Variants in SNRPD3 observed in about 807,000 individuals in gnomAD.
SNRPD3 encodes small nuclear ribonucleoprotein D3 polypeptide.
For synonymous variants in SNRPD3, 66 were observed against 58.4 expected (o/e 1.13, Z -0.59); for missense variants, 73 against 167.5 (o/e 0.44, Z 3.11).
chr22:24,563,336 AT>A (rs2045166419), intron 2 of SNRPD3, among the ~76,000 whole-genome samples: 1 of 151,090 alleles, frequency 6.6e-6, no homozygotes. Context: ...AAGAGGAAAT[AT>A]GTGTATGTGA....
intron 1 of SNRPD3, among the ~76,000 whole-genome samples, chr22:24,556,648 G>C (rs746313345): frequency 3.9e-5 from 6 of 152,138 alleles, no homozygotes; most frequent in Non-Finnish European, 7.4e-5. Context: ...TAAACCTTAC[G>C]TTCTATCCAT....
intron 2 of SNRPD3, among the ~76,000 whole-genome samples, chr22:24,565,405 G>A (rs2045187363): frequency 6.6e-6 from 1 of 152,152 alleles, no homozygotes; most frequent in African/African-American, 2.4e-5. Flanking sequence ...ATGAGCTGCC[G>A]TGGGGAAATC....
chr22:24,568,284 C>T lies in SNRPD3; in HGVS notation c.319+108C>T, dbSNP rs557045616. ...AGAGAGGGTTTGACCTCTGCTCTCT[C>T]CACACCCACCACCCACTGCCACCCC... On this transcript the variant is annotated intron_variant, in intron 3 of 3. Transcript: ENST00000215829. 22 of 729,342 alleles carry T rather than the reference C, an allele frequency of 3.0e-5. 1 individual carries two copies. In the East Asian group the frequency reaches 5.8e-4, roughly 19 times the overall value. The allele number at this position is 729,342 out of a possible 1,614,324, so 45.2% of individuals were successfully genotyped here.
chr22:24,556,844 A>G (rs1343810376), intron 1 of SNRPD3, among the ~76,000 whole-genome samples: 7 of 152,186 alleles, frequency 4.6e-5, no homozygotes, highest in Non-Finnish European at 8.8e-5. Context: ...TGAAACTTAG[A>G]GTTGTTGCTC....
intron 2 of SNRPD3, among the ~76,000 whole-genome samples, chr22:24,563,023 C>G (rs1478531599): frequency 6.6e-6 from 1 of 152,150 alleles, no homozygotes; most frequent in Non-Finnish European, 1.5e-5. Flanking sequence ...TATGGTCCCT[C>G]AAGTAGTTTT....
intron 1 of SNRPD3, 66 bp from the exon 2 acceptor site, chr22:24,557,591 A>G (rs927937357): frequency 9.4e-6 from 11 of 1,172,252 alleles, no homozygotes; most frequent in Non-Finnish European, 1.3e-6. Context: ...TAAAGGAAGC[A>G]TGATGTGTGC....
intron 3 of SNRPD3, among the ~76,000 whole-genome samples, chr22:24,570,454 G>C (rs1162435412): frequency 6.6e-6 from 1 of 152,192 alleles, no homozygotes; most frequent in East Asian, 1.9e-4. Flanking sequence ...GGAGGCCGAG[G>C]TGGGCAGATC....
chr22:24,571,596 C>T (rs372756981), intron 3 of SNRPD3, among the ~76,000 whole-genome samples: 1 of 151,954 alleles, frequency 6.6e-6, no homozygotes, highest in Non-Finnish European at 1.5e-5. Flanking sequence ...GGAAATTAGC[C>T]GGGCGTTGTG....
chr22:24,570,976 G>A (rs1171254758), intron 3 of SNRPD3, among the ~76,000 whole-genome samples: 1 of 151,914 alleles, frequency 6.6e-6, no homozygotes, highest in Non-Finnish European at 1.5e-5. Context: ...ATACCACCAC[G>A]TGCAGCTAAT....
chr22:24,563,398 A>G (rs1359350097), intron 2 of SNRPD3, among the ~76,000 whole-genome samples: 1 of 151,726 alleles, frequency 6.6e-6, no homozygotes, highest in Non-Finnish European at 1.5e-5. Context: ...GAGGGTGTGC[A>G]TCTGAGGTTA....
chr22:24,555,895 G>T, upstream of SNRPD3: 1 of 1,482,180 alleles, frequency 6.7e-7, no homozygotes, highest in Non-Finnish European at 9.1e-7. Flanking sequence ...GCGGAGTGAG[G>T]AGGAAGCGGA....
At position 24,574,153 on chromosome 22, in the gene SNRPD3, C is replaced by T. The variant is rs2045270525; in HGVS notation, c.*2176C>T. 6.6e-6 allele frequency among the ~76,000 whole-genome samples: 1 copy of T among 152,146 alleles called. No individual in the cohort carries two copies. Among genetic ancestry groups the T allele is most frequent in the African/African-American group, 2.4e-5 (1 of 41,418 alleles). The stretch of plus-strand genomic sequence containing the variant: ...ACTTACTTTGAATAATAACACATTA[C>T]ACTTAATAGTAGTGAACTGCATCCT... On this transcript the variant is annotated 3_prime_UTR_variant, in exon 4 of 4. Transcript: ENST00000215829.
intron 2 of SNRPD3, among the ~76,000 whole-genome samples, chr22:24,564,883 CATTT>C (rs1569026070): frequency 7.9e-6 from 1 of 127,158 alleles, no homozygotes; most frequent in Admixed American, 8.0e-5. Flanking sequence ...TTGCCTTGTT[CATTT>C]TTTTTTTTTT....
intron 3 of SNRPD3, among the ~76,000 whole-genome samples, chr22:24,570,043 G>C (rs538672091): frequency 6.6e-6 from 1 of 152,258 alleles, no homozygotes; most frequent in Non-Finnish European, 1.5e-5. Flanking sequence ...GGACAACCAT[G>C]TGGAAATGCC....
At chr22:24,569,132 C>T (rs1344899505) in intron 3 of SNRPD3, among the ~76,000 whole-genome samples, 4 of 152,126 alleles carry the variant, frequency 2.6e-5, no homozygotes, top group Admixed American at 6.6e-5. Context: ...CATTTCCTAG[C>T]GAGACTGGGT....
chr22:24,555,947 C>T (rs1389073449), upstream of SNRPD3: 10 of 1,042,136 alleles, frequency 9.6e-6, no homozygotes, highest in African/African-American at 1.1e-4. Context: ...AGGAGGCGGG[C>T]CCTGCGCGCA....
chr22:24,559,626 G>A (rs1292222935), intron 2 of SNRPD3, among the ~76,000 whole-genome samples: 1 of 152,074 alleles, frequency 6.6e-6, no homozygotes, highest in African/African-American at 2.4e-5. Flanking sequence ...CTTGTAGCCT[G>A]CCCCCTAGGG....
At chr22:24,570,008 T>G (rs566322699) in intron 3 of SNRPD3, among the ~76,000 whole-genome samples, 205 of 152,348 alleles carry the variant, frequency 1.3e-3, no homozygotes, top group Non-Finnish European at 2.6e-3. Flanking sequence ...ATGGAGACTT[T>G]ATTGGATAGT....
At chr22:24,555,887 G>T, upstream of SNRPD3, 1 of 1,502,824 alleles carries the variant, frequency 6.7e-7, no homozygotes, top group Non-Finnish European at 8.9e-7. Flanking sequence ...GCCGGCAGGC[G>T]GAGTGAGGAG....
Sources: allele counts gnomAD v4.1 joint callset (sites outside exome capture counted in the v4.1 genomes callset), GRCh38; gene constraint gnomAD v4.1.1; transcripts MANE v1.5; gene names NCBI Gene and HGNC (gene_info 2026-07-23, HGNC 2026-07-21).